Variants in RPA3 observed in about 807,000 individuals in gnomAD.
The protein encoded by RPA3 is replication protein A 14 kDa subunit.
In RPA3, 24 loss-of-function variants were observed where a neutral mutation model predicts 13.7. The observed-to-expected ratio is 1.75, with a 90% CI of 1.27 to 2.46. RPA3 has a LOEUF of 2.46. Among genes scored for constraint, RPA3 ranks in the 30% most tolerant of loss-of-function variants. RPA3 has a pLI of 0.00. For synonymous variants in RPA3, 59 were observed against 51.2 expected, an observed-to-expected ratio of 1.15 and a Z score of -0.65; for missense variants, 183 against 151.0, an observed-to-expected ratio of 1.21 and a Z score of -1.11.
chr7:7,656,953 T>A (rs947017834), intron 4 of RPA3, among the ~76,000 whole-genome samples: 1 of 152,192 alleles, frequency 6.6e-6, no homozygotes, highest in Non-Finnish European at 1.5e-5. Context: ...GCCTTCCTAT[T>A]TCTACACATC....
intron 4 of RPA3, among the ~76,000 whole-genome samples, chr7:7,665,881 T>C (rs1430681611): frequency 6.6e-6 from 1 of 152,116 alleles, no homozygotes; most frequent in East Asian, 1.9e-4. Flanking sequence ...TTTGTTTCCC[T>C]TTTACTACCG....
chr7:7,648,871 A>G (rs1026492657), intron 4 of RPA3, among the ~76,000 whole-genome samples: 21 of 149,272 alleles, frequency 1.4e-4, no homozygotes, highest in Admixed American at 4.0e-4. Context: ...AAGAAAGAAA[A>G]AAAAAGGCCG....
intron 2 of RPA3, among the ~76,000 whole-genome samples, chr7:7,693,289 A>G (rs1353074447): frequency 7.0e-6 from 1 of 142,976 alleles, no homozygotes; most frequent in Non-Finnish European, 1.5e-5. Flanking sequence ...TACTCTTAAA[A>G]TATCTTTATC....
At chr7:7,711,302 A>T (rs1467866200) in intron 2 of RPA3, among the ~76,000 whole-genome samples, 3 of 152,212 alleles carry the variant, frequency 2.0e-5, no homozygotes, top group African/African-American at 7.2e-5. Context: ...TGTTACAAAC[A>T]TCCTTGTACA....
At chr7:7,678,637 G>C (rs1421515506) in intron 4 of RPA3, among the ~76,000 whole-genome samples, 1 of 32,426 alleles carries the variant, frequency 3.1e-5, no homozygotes, top group African/African-American at 1.1e-4. Context: ...TTAATTTATA[G>C]ATAAATATAT....
intron 2 of RPA3, among the ~76,000 whole-genome samples, chr7:7,708,982 A>G (rs1398873990): frequency 6.6e-6 from 1 of 151,862 alleles, no homozygotes; most frequent in Non-Finnish European, 1.5e-5. Flanking sequence ...AGGAAGGGAG[A>G]AAGTGTGGGA....
At position 7,640,724 on chromosome 7, in the gene RPA3, T is replaced by C. The variant is rs1784947985; in HGVS notation, c.-306A>G. On this transcript the variant is annotated 5_prime_UTR_variant, in exon 5 of 8. Coordinates refer to ENST00000223129, the MANE Select transcript of RPA3 (RefSeq NM_002947.5). ...GATAGGGGCGGAACCTGAGACTACCTTTCTGCGATCACAGGATTCCCGGCG... is the reference window on the plus strand; with the variant it reads ...GATAGGGGCGGAACCTGAGACTACCCTTCTGCGATCACAGGATTCCCGGCG... 1 of 318,116 alleles carries C rather than the reference T, an allele frequency of 3.1e-6. No homozygotes were observed. The allele number at this position is 318,116 out of a possible 1,614,324, so 19.7% of individuals were successfully genotyped here.
chr7:7,672,608 G>T (rs1779634653), intron 4 of RPA3, among the ~76,000 whole-genome samples: 1 of 152,162 alleles, frequency 6.6e-6, no homozygotes, highest in African/African-American at 2.4e-5. Flanking sequence ...GATAGTGAGT[G>T]AGTTCTCATG....
intron 4 of RPA3, among the ~76,000 whole-genome samples, chr7:7,685,127 A>G (rs1272525660): frequency 6.6e-6 from 1 of 152,180 alleles, no homozygotes; most frequent in Non-Finnish European, 1.5e-5. Flanking sequence ...TACAGTATGA[A>G]TATTCTACCT....
intron 6 of RPA3, 22 bp downstream of exon 6, chr7:7,639,048 A>T (rs1212944457): frequency 6.4e-7 from 1 of 1,558,454 alleles, no homozygotes; most frequent in East Asian, 2.3e-5. Context: ...TATATAAGAG[A>T]CTTATTAACA....
chr7:7,664,328 G>A (rs1345434758), intron 4 of RPA3, among the ~76,000 whole-genome samples: 1 of 151,688 alleles, frequency 6.6e-6, no homozygotes, highest in African/African-American at 2.4e-5. Context: ...TTAACTTCTT[G>A]GCTCCAGGCT....
intron 2 of RPA3, among the ~76,000 whole-genome samples, chr7:7,708,281 C>A (rs1195168649): frequency 6.6e-6 from 1 of 152,094 alleles, no homozygotes; most frequent in Non-Finnish European, 1.5e-5. Flanking sequence ...GATTTACAAC[C>A]CTCCCTTTCA....
intron 2 of RPA3, among the ~76,000 whole-genome samples, chr7:7,707,486 GC>G (rs1780635839): frequency 6.6e-6 from 1 of 152,156 alleles, no homozygotes; most frequent in African/African-American, 2.4e-5. Flanking sequence ...CAGTGGGAAT[GC>G]CATATGCTCT....
At chr7:7,696,946 TG>T (rs1382624514) in intron 2 of RPA3, among the ~76,000 whole-genome samples, 1 of 152,096 alleles carries the variant, frequency 6.6e-6, no homozygotes, top group East Asian at 1.9e-4. Flanking sequence ...CATTTGACTA[TG>T]TGAAGTGGAA....
chr7:7,685,337 G>C (rs1741838375), intron 4 of RPA3, among the ~76,000 whole-genome samples: 1 of 146,044 alleles, frequency 6.8e-6, no homozygotes, highest in African/African-American at 2.5e-5. Context: ...TTGAGACGGA[G>C]TCTTGCTCTG....
At chr7:7,713,092 A>C (rs1780808204) in intron 2 of RPA3, among the ~76,000 whole-genome samples, 2 of 152,048 alleles carry the variant, frequency 1.3e-5, no homozygotes, top group South Asian at 4.1e-4. Context: ...TAATCCCAGC[A>C]CATTGGGAGG....
At chr7:7,682,667 C>G (rs1181553817) in intron 4 of RPA3, among the ~76,000 whole-genome samples, 4 of 152,120 alleles carry the variant, frequency 2.6e-5, no homozygotes, top group African/African-American at 9.7e-5. Context: ...AAAATGTATA[C>G]CAGATCTTTA....
rs1163221552 is a variant in RPA3 at position 7,639,073 on chromosome 7, T to A, written c.171A>T (p.Glu57Asp). The change falls in exon 6 of 8, where the codon GAA becomes GAT. Residue 57 changes from glutamate (E) to aspartate (D), a missense_variant. By Grantham distance (45) the Glu-to-Asp change is conservative. Coordinates refer to ENST00000223129, the MANE Select transcript of RPA3 (RefSeq NM_002947.5). ...EGKNGTIELMEPLDEEISGIV... is the reference protein window; with the variant it reads ...EGKNGTIELMDPLDEEISGIV... The stretch of plus-strand genomic sequence containing the variant: ...ACTTATTAACACTTAAACATACGGG[T>A]TCCATCAACTCGATGGTTCCATTTT... 3.1e-6 allele frequency: 5 copies of A among 1,610,026 alleles called. No individual in the cohort carries two copies. The highest frequency in any genetic ancestry group is 2.5e-6 in the Non-Finnish European group (3 of 1,177,700).
At chr7:7,683,030 A>G (rs1260665463) in intron 4 of RPA3, among the ~76,000 whole-genome samples, 1 of 152,192 alleles carries the variant, frequency 6.6e-6, no homozygotes, top group African/African-American at 2.4e-5. Context: ...CGTGTGGGGT[A>G]CACCACCCTT....
Sources: gnomAD v4.1 joint callset for allele counts (sites outside exome capture counted in the v4.1 genomes callset) on GRCh38, gnomAD v4.1.1 for gene constraint, MANE v1.5 for transcripts, NCBI Gene and HGNC (gene_info 2026-07-23, HGNC 2026-07-21) for gene names.